Variants in PDZRN3 observed in about 807,000 individuals in gnomAD.
PDZRN3 encodes PDZ domain containing ring finger 3.
In PDZRN3, 38 loss-of-function variants were observed where a neutral mutation model predicts 85.7. That is an observed-to-expected ratio of 0.44 (90% CI 0.34 to 0.58). The LOEUF (loss-of-function observed/expected upper bound fraction) is 0.58. Among genes scored for constraint, PDZRN3 ranks in the 20% least tolerant of loss-of-function variants. PDZRN3 has a pLI of 0.01. For synonymous variants in PDZRN3, 759 were observed against 638.0 expected, an observed-to-expected ratio of 1.19 and a Z score of -2.86; for missense variants, 1,629 against 1,506.4, an observed-to-expected ratio of 1.08 and a Z score of -1.35.
chr3:73,454,384 AC>A (rs34852900), intron 3 of PDZRN3, among the ~76,000 whole-genome samples: 1 of 151,640 alleles, frequency 6.6e-6, no homozygotes, highest in Non-Finnish European at 1.5e-5. Context: ...TGACACCTCA[AC>A]CCCCTCCTGA....
At chr3:73,404,473 T>C (rs954839615) in intron 3 of PDZRN3, 78 bp from the exon 4 acceptor site, 25 of 1,456,712 alleles carry the variant, frequency 1.7e-5, no homozygotes, top group Non-Finnish European at 2.1e-5. Context: ...ATTGCCTGCT[T>C]TCATGTGTAA....
chr3:73,425,621 C>T (rs752636842), intron 3 of PDZRN3, among the ~76,000 whole-genome samples: 6 of 151,982 alleles, frequency 3.9e-5, no homozygotes, highest in Non-Finnish European at 7.4e-5. Context: ...AAAGAGAATC[C>T]CCTTCTCACC....
At chr3:73,512,359 AAC>A (rs1358948228) in intron 3 of PDZRN3, among the ~76,000 whole-genome samples, 10 of 152,200 alleles carry the variant, frequency 6.6e-5, no homozygotes, top group African/African-American at 2.4e-4. Flanking sequence ...GTTTCAATAA[AAC>A]ACTCTTCAAC....
intron 3 of PDZRN3, among the ~76,000 whole-genome samples, chr3:73,560,114 T>C (rs991781263): frequency 3.3e-5 from 5 of 152,330 alleles, no homozygotes; most frequent in East Asian, 1.9e-4. Context: ...AATCTGTAGG[T>C]ACGAACATGA....
intron 5 of PDZRN3, among the ~76,000 whole-genome samples, chr3:73,394,192 C>A (rs931467952): frequency 1.3e-5 from 2 of 152,190 alleles, no homozygotes; most frequent in Non-Finnish European, 2.9e-5. Flanking sequence ...ACTTTTTATA[C>A]GTTGCCACTA....
intron 3 of PDZRN3, among the ~76,000 whole-genome samples, chr3:73,427,384 TG>T (rs1467750873): frequency 1.3e-5 from 2 of 152,328 alleles, no homozygotes; most frequent in Non-Finnish European, 2.9e-5. Context: ...AGTGGGGCTC[TG>T]CTGTGCCTTC....
rs928097296 is a variant in PDZRN3 at position 73,509,047 on chromosome 3, A to G, written c.918+93307T>C. ...AGCCTCACGTGGCAATTAGTTACTT[A>G]CTGTGTAGTGAGGGCTCTGGTGTTG... On this transcript the variant is annotated intron_variant, in intron 3 of 9. Transcript: ENST00000263666. Among the ~76,000 whole-genome samples, 8 of 152,318 alleles carry G rather than the reference A, an allele frequency of 5.3e-5. No individual in the cohort carries two copies. The East Asian group carries it at 1.5e-3, about 29-fold the overall frequency.
intron 3 of PDZRN3, among the ~76,000 whole-genome samples, chr3:73,471,517 A>C (rs1246250591): frequency 2.0e-5 from 3 of 152,162 alleles, no homozygotes; most frequent in Non-Finnish European, 4.4e-5. Context: ...AAGCAAACCA[A>C]GTGTTTTGAG....
At chr3:73,545,512 T>C (rs1330300655) in intron 3 of PDZRN3, among the ~76,000 whole-genome samples, 1 of 152,130 alleles carries the variant, frequency 6.6e-6, no homozygotes, top group African/African-American at 2.4e-5. Flanking sequence ...GCCTGGGACA[T>C]AACAGCAATT....
chr3:73,489,035 A>T (rs1703718940), intron 3 of PDZRN3, among the ~76,000 whole-genome samples: 1 of 152,208 alleles, frequency 6.6e-6, no homozygotes, highest in South Asian at 2.1e-4. Flanking sequence ...GGCATCATGC[A>T]TTGGGTGTGG....
chr3:73,532,086 C>CT (rs1320321707), intron 3 of PDZRN3, among the ~76,000 whole-genome samples: 11 of 152,200 alleles, frequency 7.2e-5, no homozygotes, highest in African/African-American at 2.7e-4. Context: ...ACTGCAAGCT[C>CT]TGCTTCCAGG....
At chr3:73,496,757 A>C (rs1370080269) in intron 3 of PDZRN3, among the ~76,000 whole-genome samples, 1 of 152,224 alleles carries the variant, frequency 6.6e-6, no homozygotes, top group Admixed American at 6.5e-5. Flanking sequence ...TATTTAAAAA[A>C]TATTTTACTT....
chr3:73,548,459 A>C (rs1226548967), intron 3 of PDZRN3, among the ~76,000 whole-genome samples: 2 of 152,156 alleles, frequency 1.3e-5, no homozygotes, highest in Non-Finnish European at 2.9e-5. Context: ...ACTTTAGAGC[A>C]CTCACTAATT....
intron 3 of PDZRN3, among the ~76,000 whole-genome samples, chr3:73,424,824 A>C (rs1405832612): frequency 6.6e-6 from 1 of 152,202 alleles, no homozygotes; most frequent in Non-Finnish European, 1.5e-5. Flanking sequence ...TTTAAGCCAC[A>C]GTGAGATACC....
intron 3 of PDZRN3, among the ~76,000 whole-genome samples, chr3:73,486,489 C>CATTT (rs933423987): frequency 2.0e-5 from 3 of 152,128 alleles, no homozygotes; most frequent in African/African-American, 7.2e-5. Context: ...AAAAGCCATG[C>CATTT]ATTTGTTCAA....
intron 3 of PDZRN3, among the ~76,000 whole-genome samples, chr3:73,529,332 A>T (rs2106750404): frequency 6.6e-6 from 1 of 152,292 alleles, no homozygotes; most frequent in African/African-American, 2.4e-5. Flanking sequence ...AGGCATTAAG[A>T]CAAAACTGTA....
In PDZRN3 at chr3:73,491,592, C is replaced by CTTTT. The variant is rs367581488; in HGVS notation, c.919-87198_919-87197insAAAA. ...AAAGAAAAACCTTGTGTGGAAGGTT[C>CTTTT]CTTTTTTTTTTTTAAGAAGCAGGGT... On this transcript the variant is annotated intron_variant, in intron 3 of 9. Transcript: ENST00000263666. 3.4e-5 allele frequency among the ~76,000 whole-genome samples: 4 copies of CTTTT among 117,538 alleles called. 1 individual carries two copies. The highest frequency in any genetic ancestry group is 8.6e-5 in the Admixed American group (1 of 11,686). 77.1% of individuals were successfully genotyped at this position (117,538 alleles called of 152,430 possible). A position where few individuals can be genotyped will look rare whatever the true frequency, so the allele number is the denominator to read the frequency against.
At chr3:73,414,178 T>C (rs1163076227) in intron 3 of PDZRN3, among the ~76,000 whole-genome samples, 1 of 152,180 alleles carries the variant, frequency 6.6e-6, no homozygotes, top group Non-Finnish European at 1.5e-5. Flanking sequence ...ATCACACATT[T>C]TTTGAAGCGC....
intron 3 of PDZRN3, among the ~76,000 whole-genome samples, chr3:73,470,614 TGAATAAGA>T (rs2106884285): frequency 6.6e-6 from 1 of 152,294 alleles, no homozygotes; most frequent in South Asian, 2.1e-4. Flanking sequence ...ATGCTGTTCT[TGAATAAGA>T]GGGAAATACT....
Sources: gnomAD v4.1 joint callset for allele counts (sites outside exome capture counted in the v4.1 genomes callset) on GRCh38, gnomAD v4.1.1 for gene constraint, MANE v1.5 for transcripts, NCBI Gene and HGNC (gene_info 2026-07-23, HGNC 2026-07-21) for gene names.